The following SAMHD1 variants were observed in gnomAD, a reference collection of about 807,000 sequenced individuals.
SAMHD1 encodes SAM and HD domain containing deoxynucleoside triphosphate triphosphohydrolase 1, also known as deoxynucleoside triphosphate triphosphohydrolase SAMHD1.
SAMHD1 carries 54 observed loss-of-function variants against 79.6 expected under a neutral mutation model. The ratio of observed to expected loss-of-function variants is 0.68; its 90% CI spans 0.55 to 0.85. SAMHD1 has a LOEUF of 0.85. Ranked by LOEUF, SAMHD1 falls within the 40% of genes least tolerant of loss-of-function variation. The pLI, the probability that SAMHD1 is intolerant of heterozygous loss-of-function variation, is 0.00. For missense variants in SAMHD1, 663 were observed against 782.7 expected (o/e 0.85, Z 1.82); for synonymous variants, 260 against 264.1 (o/e 0.98, Z 0.15).
In SAMHD1 at chr20:36,905,272, A is replaced by G. The variant is rs534097263; in HGVS notation, c.1410+92T>C. ...AAATGAGAATAAACGTAAAGCACTT[A>G]GTACAGAGTCATAGTATCACGATAG... is the stretch of plus-strand genomic sequence containing the variant. On this transcript the variant is annotated intron_variant, in intron 12 of 15. Coordinates refer to ENST00000646673, the MANE Select transcript of SAMHD1 (RefSeq NM_015474.4). The G allele has an allele frequency of 1.0e-4, 138 of 1,337,544 alleles. 1 individual carries two copies. The South Asian group carries it at 1.5e-3, about 14-fold the overall frequency. 82.9% of individuals were successfully genotyped at this position (1,337,544 alleles called of 1,614,324 possible).
chr20:36,899,218 C>G (rs1399725546), intron 13 of SAMHD1, among the ~76,000 whole-genome samples: 1 of 150,350 alleles, frequency 6.7e-6, no homozygotes, highest in Non-Finnish European at 1.5e-5. Context: ...CGAGACCACC[C>G]TGGTCAACAT....
At chr20:36,932,666 C>T (rs1040217522) in intron 4 of SAMHD1, among the ~76,000 whole-genome samples, 1 of 151,892 alleles carries the variant, frequency 6.6e-6, no homozygotes, top group Non-Finnish European at 1.5e-5. Flanking sequence ...ATCCACTGGC[C>T]TCAGCCTCCC....
chr20:36,938,214 T>C (rs971605280), intron 3 of SAMHD1, among the ~76,000 whole-genome samples: 5 of 152,124 alleles, frequency 3.3e-5, no homozygotes, highest in African/African-American at 1.2e-4. Context: ...AAGTGGGCAA[T>C]TGAAACCACT....
intron 4 of SAMHD1, among the ~76,000 whole-genome samples, chr20:36,931,746 T>C (rs2063569238): frequency 6.6e-6 from 1 of 151,378 alleles, no homozygotes; most frequent in Admixed American, 6.6e-5. Flanking sequence ...CATCAACAAA[T>C]GAATGTATAA....
chr20:36,921,702 TG>T (rs959137575), intron 6 of SAMHD1, among the ~76,000 whole-genome samples: 8 of 149,276 alleles, frequency 5.4e-5, no homozygotes, highest in South Asian at 2.1e-4. Context: ...TTTTTGTGGT[TG>T]TTTTTTTTTT....
At chr20:36,935,464 G>T in intron 3 of SAMHD1, 1 of 430,310 alleles carries the variant, frequency 2.3e-6, no homozygotes, top group Non-Finnish European at 4.3e-6. Context: ...ATATGACTTA[G>T]TCTTTAATAA....
intron 7 of SAMHD1, among the ~76,000 whole-genome samples, chr20:36,917,617 C>G (rs537727568): frequency 6.6e-6 from 1 of 152,160 alleles, no homozygotes; most frequent in East Asian, 1.9e-4. Context: ...TGCCACTGCC[C>G]TCTAGCCTGG....
In SAMHD1 at chr20:36,930,785, C is replaced by G; in HGVS notation, c.600G>C (p.Gln200His). Residue 200 changes from glutamine to histidine, a missense_variant, in exon 5 of 16, where the codon CAG (glutamine) becomes CAC (histidine). Physicochemically the swap from Gln to His is conservative, Grantham distance 24. Coordinates refer to ENST00000646673, the MANE Select transcript of SAMHD1 (RefSeq NM_015474.4). ...QISERDVLCV[Q>H]IAGLCHDLGH... Reference sequence around the variant, plus strand: ...CGAGATCATGACAAAGTCCAGCAATCTGAACACAGAGAACATCTCGTTCAC... The same window carrying G: ...CGAGATCATGACAAAGTCCAGCAATGTGAACACAGAGAACATCTCGTTCAC... 1.2e-6 allele frequency: 2 copies of G among 1,613,690 alleles called. No homozygotes were observed. Among genetic ancestry groups the G allele is most frequent in the Non-Finnish European group, 1.7e-6 (2 of 1,179,666 alleles).
chr20:36,912,945 T>G (rs1601126296), intron 9 of SAMHD1, among the ~76,000 whole-genome samples: 1 of 127,710 alleles, frequency 7.8e-6, no homozygotes. Flanking sequence ...TTGCCCAGGC[T>G]GGAGTACAAG....
chr20:36,911,312 T>G lies in SAMHD1; in HGVS notation c.1176A>C (p.Lys392Asn). ...IDTMITDAFL[K>N]ADDYIEITGA... is the part of the protein sequence containing the mutation. ...CTGTAATCTCTATGTAGTCATCTGCTTTGAGGAAAGCATCTGTAATCCTAA... is the reference window on the plus strand; with the variant it reads ...CTGTAATCTCTATGTAGTCATCTGCGTTGAGGAAAGCATCTGTAATCCTAA... Residue 392 changes from lysine (K) to asparagine (N), a missense_variant, in exon 11 of 16, where the codon AAA becomes AAC. Lys to Asn is a moderately conservative substitution (Grantham distance 94, BLOSUM62 0). Transcript: ENST00000646673. 1 of 1,611,406 alleles carries G rather than the reference T, an allele frequency of 6.2e-7. No homozygotes were observed. The highest frequency in any genetic ancestry group is 8.5e-7 in the Non-Finnish European group (1 of 1,178,992).
At chr20:36,893,228 G>A in intron 15 of SAMHD1, 162 bp from the exon 16 acceptor site, 1 of 817,274 alleles carries the variant, frequency 1.2e-6, no homozygotes, top group Non-Finnish European at 2.0e-6. Flanking sequence ...CCCTGTGCTT[G>A]GGGCAAATTA....
intron 1 of SAMHD1, among the ~76,000 whole-genome samples, chr20:36,947,310 GGTGTGTGTGTGTGTGTGTGTGT>G (rs35061251): frequency 2.4e-5 from 2 of 85,090 alleles, no homozygotes; most frequent in South Asian, 1.1e-3. Context: ...ATTTGGAAGA[GGTGTGTGTGTGTGTGTGTGTGT>G]GTGTGTGTGT....
intron 3 of SAMHD1, among the ~76,000 whole-genome samples, chr20:36,939,759 G>C (rs1292012040): frequency 6.6e-6 from 1 of 152,084 alleles, no homozygotes; most frequent in Non-Finnish European, 1.5e-5. Context: ...TACAAAAAAA[G>C]AAGATATCCT....
At chr20:36,947,385 GGTGTGTGTGATTTGGAAGAGGTGTGTGT>G (rs2063695907) in intron 1 of SAMHD1, among the ~76,000 whole-genome samples, 1 of 73,258 alleles carries the variant, frequency 1.4e-5, no homozygotes, top group Non-Finnish European at 2.3e-5. Context: ...ATTTGGAAGA[GGTGTGTGTGATTTGGAAGAGGTGTGTGT>G]GTGTGTGTGT....
At chr20:36,918,837 G>C (rs1198950548) in intron 7 of SAMHD1, among the ~76,000 whole-genome samples, 1 of 132,698 alleles carries the variant, frequency 7.5e-6, no homozygotes, top group Non-Finnish European at 1.6e-5. Flanking sequence ...AAGAAAGAAA[G>C]AAAAGAAAAG....
At chr20:36,903,460 C>CA (rs2063387280) in intron 13 of SAMHD1, among the ~76,000 whole-genome samples, 1 of 151,570 alleles carries the variant, frequency 6.6e-6, no homozygotes, top group Admixed American at 6.6e-5. Context: ...AGGATGGTCT[C>CA]AATCTCCTGA....
At chr20:36,896,886 A>ACAGT (rs1990208946) in intron 15 of SAMHD1, among the ~76,000 whole-genome samples, 1 of 121,914 alleles carries the variant, frequency 8.2e-6, no homozygotes, top group Admixed American at 8.2e-5. Context: ...TTCTACCCTG[A>ACAGT]CAGGTCTCCT....
intron 6 of SAMHD1, among the ~76,000 whole-genome samples, chr20:36,925,087 T>C (rs1362150174): frequency 2.8e-5 from 4 of 144,598 alleles, no homozygotes; most frequent in Non-Finnish European, 4.5e-5. Context: ...ACCCAGGAGG[T>C]GGAGGTTGCA....
chr20:36,944,280 T>C (rs1355386536), intron 2 of SAMHD1, among the ~76,000 whole-genome samples: 1 of 149,902 alleles, frequency 6.7e-6, no homozygotes, highest in Non-Finnish European at 1.5e-5. Context: ...ACCACTGAAC[T>C]TGAACTCCAG....
Sources: gnomAD v4.1 joint callset for allele counts (sites outside exome capture counted in the v4.1 genomes callset) on GRCh38, gnomAD v4.1.1 for gene constraint, MANE v1.5 for transcripts, NCBI Gene and HGNC (gene_info 2026-07-23, HGNC 2026-07-21) for gene names.